The following CNTN4 variants were observed in gnomAD, a reference collection of about 807,000 sequenced individuals.
The protein encoded by CNTN4 is contactin-4.
In CNTN4, 77 loss-of-function variants were observed where a neutral mutation model predicts 122.5. The observed-to-expected ratio is 0.63, with a 90% CI of 0.52 to 0.76. CNTN4 has a LOEUF of 0.76. Among genes scored for constraint, CNTN4 ranks in the 30% least tolerant of loss-of-function variants. CNTN4 has a pLI of 0.00. For missense variants in CNTN4, 1,256 were observed against 1,259.1 expected (o/e 1.00, Z 0.04); for synonymous variants, 512 against 447.0 (o/e 1.15, Z -1.83).
intron 24 of CNTN4, among the ~76,000 whole-genome samples, chr3:3,054,882 A>C (rs549376536): frequency 2.0e-5 from 3 of 152,346 alleles, no homozygotes; most frequent in African/African-American, 7.2e-5. Context: ...GACTGTGGTT[A>C]GATATCTAAG....
At chr3:2,449,903 CAG>C (rs972132591) in intron 3 of CNTN4, among the ~76,000 whole-genome samples, 3 of 152,046 alleles carry the variant, frequency 2.0e-5, no homozygotes, top group Non-Finnish European at 4.4e-5. Flanking sequence ...GTTACACTCA[CAG>C]AAGCAGGGAA....
chr3:2,342,801 C>T (rs1470883907), intron 3 of CNTN4, among the ~76,000 whole-genome samples: 1 of 152,176 alleles, frequency 6.6e-6, no homozygotes, highest in Non-Finnish European at 1.5e-5. Flanking sequence ...TTATAAATTA[C>T]TCAGTCTCAG....
intron 4 of CNTN4, among the ~76,000 whole-genome samples, chr3:2,597,555 G>A (rs1014456599): frequency 6.6e-6 from 1 of 152,132 alleles, no homozygotes; most frequent in African/African-American, 2.4e-5. Context: ...TCTGGTGTCT[G>A]TAACCCAGCT....
chr3:2,380,057 CAAAAA>C (rs5846182), intron 3 of CNTN4, among the ~76,000 whole-genome samples: 2 of 119,810 alleles, frequency 1.7e-5, no homozygotes, highest in African/African-American at 6.2e-5. Flanking sequence ...AACTCCATCT[CAAAAA>C]AAAAAAAAAA....
intron 4 of CNTN4, among the ~76,000 whole-genome samples, chr3:2,685,090 G>C (rs2085363347): frequency 6.6e-6 from 1 of 152,148 alleles, no homozygotes; most frequent in Non-Finnish European, 1.5e-5. Flanking sequence ...ATTAAGATCA[G>C]TAATATTTAT....
At chr3:2,940,664 G>A (rs781730833) in intron 13 of CNTN4, among the ~76,000 whole-genome samples, 1 of 152,072 alleles carries the variant, frequency 6.6e-6, no homozygotes, top group Non-Finnish European at 1.5e-5. Flanking sequence ...CAATTATTGT[G>A]GGAAATGATG....
intron 3 of CNTN4, among the ~76,000 whole-genome samples, chr3:2,414,334 T>C (rs986225750): frequency 3.9e-5 from 6 of 152,234 alleles, no homozygotes; most frequent in African/African-American, 1.2e-4. Flanking sequence ...GCTTAGTAGA[T>C]CCCACATAAA....
At chr3:3,015,794 C>A (rs1044336952) in intron 14 of CNTN4, among the ~76,000 whole-genome samples, 2 of 152,176 alleles carry the variant, frequency 1.3e-5, no homozygotes, top group African/African-American at 4.8e-5. Context: ...ATTGTCCTTG[C>A]CTCAAGGTGT....
chr3:2,711,257 A>G (rs1039335423), intron 4 of CNTN4, among the ~76,000 whole-genome samples: 13 of 152,194 alleles, frequency 8.5e-5, no homozygotes, highest in Non-Finnish European at 1.3e-4. Flanking sequence ...AGACTCGGTC[A>G]GGACTTTGGT....
chr3:2,441,390 G>T (rs79271330), intron 3 of CNTN4, among the ~76,000 whole-genome samples: 1 of 152,070 alleles, frequency 6.6e-6, no homozygotes, highest in African/African-American at 2.4e-5. Flanking sequence ...AATCAGCATT[G>T]CTTACCATAG....
intron 2 of CNTN4, among the ~76,000 whole-genome samples, chr3:2,149,972 T>TA (rs1309212806): frequency 6.6e-6 from 1 of 151,312 alleles, no homozygotes; most frequent in Non-Finnish European, 1.5e-5. Context: ...CATAGCTTTT[T>TA]TTTTTTTTTC....
In CNTN4 at chr3:2,850,071, G is replaced by A. The variant is rs541585734; in HGVS notation, c.455-16681G>A. The stretch of plus-strand genomic sequence containing the variant: ...GTGGTGCAATCTCAGCTCACTGCAA[G>A]CTCCACCTCCCGAGTTCAAGTGATT... On this transcript the variant is annotated intron_variant, in intron 7 of 24. Coordinates refer to ENST00000418658, the MANE Select transcript of CNTN4 (RefSeq NM_175607.3). 9.4e-5 allele frequency among the ~76,000 whole-genome samples: 14 copies of A among 148,876 alleles called. No homozygotes were observed. In the South Asian group the frequency reaches 2.8e-3, roughly 29 times the overall value.
intron 2 of CNTN4, among the ~76,000 whole-genome samples, chr3:2,323,837 A>G (rs1015505965): frequency 6.6e-6 from 1 of 152,216 alleles, no homozygotes; most frequent in African/African-American, 2.4e-5. Flanking sequence ...GGGAGACAGT[A>G]AAGTTTAGTA....
intron 2 of CNTN4, among the ~76,000 whole-genome samples, chr3:2,176,146 A>G (rs936914624): frequency 3.9e-5 from 6 of 152,200 alleles, no homozygotes; most frequent in Admixed American, 1.3e-4. Flanking sequence ...CACACAGAAC[A>G]TGCATTAACT....
chr3:2,354,305 C>T (rs779605455), intron 3 of CNTN4, among the ~76,000 whole-genome samples: 10 of 152,192 alleles, frequency 6.6e-5, no homozygotes, highest in Non-Finnish European at 8.8e-5. Context: ...CCGAGGCAGG[C>T]GGATCACCTG....
chr3:2,723,627 A>C (rs2088007970), intron 4 of CNTN4, among the ~76,000 whole-genome samples: 1 of 152,190 alleles, frequency 6.6e-6, no homozygotes, highest in African/African-American at 2.4e-5. Flanking sequence ...CCTTAATCCC[A>C]TTCATGAGGG....
intron 13 of CNTN4, among the ~76,000 whole-genome samples, chr3:2,975,609 G>A (rs1410626865): frequency 6.6e-6 from 1 of 152,086 alleles, no homozygotes; most frequent in Non-Finnish European, 1.5e-5. Context: ...TTTTTCTTCT[G>A]GGTCTCTTGG....
intron 3 of CNTN4, among the ~76,000 whole-genome samples, chr3:2,513,691 A>G (rs2076957091): frequency 6.6e-6 from 1 of 152,128 alleles, no homozygotes; most frequent in Non-Finnish European, 1.5e-5. Context: ...AGGTATTTGC[A>G]AGATTTGTAG....
rs1701779433 is a variant in CNTN4 at position 3,056,161 on chromosome 3, T to C, written c.3022T>C (p.Cys1008Arg). The stretch of plus-strand genomic sequence containing the variant: ...ATCTGGGGCTTCCACTTCGAATGCA[T>C]GTACGCTGTCAGCCATCAGTACAAT... ...RGSGASTSNA[C>R]TLSAISTIMI... Residue 1008 changes from cysteine to arginine, a missense_variant, in exon 25 of 25, where the codon TGT (cysteine) becomes CGT (arginine). By Grantham distance (180) the Cys-to-Arg change is radical. Transcript: ENST00000418658. 6.2e-7 allele frequency: 1 copy of C among 1,614,192 alleles called. No homozygotes were observed. The highest frequency in any genetic ancestry group is 2.2e-5 in the East Asian group (1 of 44,890).
Sources: gnomAD v4.1 joint callset for allele counts (sites outside exome capture counted in the v4.1 genomes callset) on GRCh38, gnomAD v4.1.1 for gene constraint, MANE v1.5 for transcripts, NCBI Gene and HGNC (gene_info 2026-07-23, HGNC 2026-07-21) for gene names.